The following FABP4 variants were observed in gnomAD, a reference collection of about 807,000 sequenced individuals.
FABP4 encodes the protein fatty acid binding protein 4.
Under a neutral mutation model 14.6 loss-of-function variants are expected in FABP4, and 17 were observed. The ratio of observed to expected loss-of-function variants is 1.16; its 90% CI spans 0.80 to 1.74. FABP4 has a LOEUF of 1.74. FABP4 is among the 40% of genes most tolerant of loss of function. The probability of loss-of-function intolerance (pLI) is 0.00; values close to 1 mark genes in which losing one functional copy is unlikely to be tolerated. For synonymous variants in FABP4, 54 were observed against 54.6 expected (o/e 0.99, Z 0.05); for missense variants, 149 against 160.3 (o/e 0.93, Z 0.38).
chr8:81,483,121 T>C lies in FABP4; in HGVS notation c.47A>G (p.Asn16Ser). 2 of 1,609,466 alleles carry C rather than the reference T, an allele frequency of 1.2e-6. No individual in the cohort carries two copies. Among genetic ancestry groups the C allele is most frequent in the Admixed American group, 1.7e-5 (1 of 59,486 alleles). The change falls in exon 1 of 4, where the codon AAC (asparagine) becomes AGC (serine). Residue 16 changes from asparagine (N) to serine (S), a missense_variant. Transcript: ENST00000256104. Reference protein sequence around the residue: ...VGTWKLVSSENFDDYMKEVGV... With the variant: ...VGTWKLVSSESFDDYMKEVGV... ...TACTTCTTTCATATAATCATCAAAG[T>C]TTTCACTGGAGACAAGTTTCCAGGT...
chr8:81,483,190 T>G lies in FABP4; in HGVS notation c.-23A>C, dbSNP rs1319269183. ...CATTTTGTGAGTTTTCTAGGATTATTCTTCAAGGTGAGAAGGAAGCTGCAG... is the reference window on the plus strand; with the variant it reads ...CATTTTGTGAGTTTTCTAGGATTATGCTTCAAGGTGAGAAGGAAGCTGCAG... On this transcript the variant is annotated 5_prime_UTR_variant, in exon 1 of 4. Transcript: ENST00000256104. 1 of 1,597,550 alleles carries G rather than the reference T, an allele frequency of 6.3e-7. No individual in the cohort carries two copies. Among genetic ancestry groups the G allele is most frequent in the African/African-American group, 1.3e-5 (1 of 74,572 alleles).
Position 81,478,869 on chromosome 8 carries a change from GCT to G in FABP4, c.393_394del (p.Arg131SerfsTer35), listed in dbSNP as rs1563527456. The G allele has an allele frequency of 1.2e-6, 2 of 1,612,794 alleles. No homozygotes were observed. Among genetic ancestry groups the G allele is most frequent in the Admixed American group, 3.3e-5 (2 of 59,952 alleles). Reference sequence around the variant, plus strand: ...TCCAGGTCAACGTCCCTTGGCTTATGCTCTCTCATAAACTCTCGTGGAAGTGA... The same window carrying G: ...TCCAGGTCAACGTCCCTTGGCTTATGCTCTCATAAACTCTCGTGGAAGTGA... On this transcript the variant is annotated frameshift_variant, in exon 4 of 4. Coordinates refer to ENST00000256104, the MANE Select transcript of FABP4 (RefSeq NM_001442.3). LOFTEE classifies it high-confidence loss of function.
rs1410369125 is a variant in FABP4 at position 81,480,503 on chromosome 8, T to C, written c.169A>G (p.Thr57Ala). The C allele has an allele frequency of 8.1e-6, 13 of 1,613,692 alleles. No homozygotes were observed. Among genetic ancestry groups the C allele is most frequent in the Non-Finnish European group, 1.1e-5 (13 of 1,179,832 alleles). ...AAGGAAATCTCAGTATTTTTAAAGG[T>C]ACTTTCAGATTTAATGGTGATCACA... ...GDVITIKSES[T>A]FKNTEISFIL... Residue 57 changes from threonine to alanine, a missense_variant, in exon 2 of 4, where the codon ACC (threonine) becomes GCC (alanine). Physicochemically the swap from Thr to Ala is moderately conservative, Grantham distance 58. Coordinates refer to ENST00000256104, the MANE Select transcript of FABP4 (RefSeq NM_001442.3).
Position 81,483,227 on chromosome 8 carries a change from G to A in FABP4, c.-60C>T, listed in dbSNP as rs1340259080. 7 of 1,357,514 alleles carry A rather than the reference G, an allele frequency of 5.2e-6. No homozygotes were observed. The highest frequency in any genetic ancestry group is 6.2e-6 in the Non-Finnish European group (6 of 969,338). The allele number at this position is 1,357,514 out of a possible 1,614,324, so 84.1% of individuals were successfully genotyped here. ...GAAGGAAGCTGCAGTTTTCAGGAGG[G>A]TGCTGTGACCCTCTTGAGTCCAGAT... On this transcript the variant is annotated 5_prime_UTR_variant, in exon 1 of 4. Coordinates refer to ENST00000256104, the MANE Select transcript of FABP4 (RefSeq NM_001442.3).
chr8:81,480,528 A>T lies in FABP4; in HGVS notation c.144T>A (p.Asp48Glu). 1 of 1,613,884 alleles carries T rather than the reference A, an allele frequency of 6.2e-7. No individual in the cohort carries two copies. Residue 48 changes from aspartate to glutamate, a missense_variant, in exon 2 of 4, where the codon GAT (aspartate) becomes GAA (glutamate). By Grantham distance (45) the Asp-to-Glu change is conservative. Transcript: ENST00000256104. ...TACTTTCAGATTTAATGGTGATCAC[A>T]TCCCCATTCACACTGATGATCATGT... ...KPNMIISVNG[D>E]VITIKSESTF...
chr8:81,479,796 T>C (rs1228253446), intron 2 of FABP4: 1 of 239,936 alleles, frequency 4.2e-6, no homozygotes, highest in Non-Finnish European at 7.9e-6. Flanking sequence ...GGGTGGTTTT[T>C]CTATTTCTTT....
At chr8:81,481,832 ATT>A (rs1246484296) in intron 1 of FABP4, among the ~76,000 whole-genome samples, 2 of 152,114 alleles carry the variant, frequency 1.3e-5, no homozygotes, top group Non-Finnish European at 2.9e-5. Context: ...CATTTGCTTG[ATT>A]TTGCTTTTAT....
chr8:81,482,940 T>A (rs1331332671), intron 1 of FABP4, among the ~76,000 whole-genome samples, 155 bp downstream of exon 1: 1 of 152,182 alleles, frequency 6.6e-6, no homozygotes, highest in Non-Finnish European at 1.5e-5. Flanking sequence ...TAGAAACAAA[T>A]GATTATCACT....
Position 81,478,605 on chromosome 8 carries a change from G to C in FABP4, c.*260C>G, listed in dbSNP as rs1808006599. ...ATGTTATTATTCATATCAGAACAAA[G>C]AAATAATGCAAATTTCCCATTTCCT... On this transcript the variant is annotated 3_prime_UTR_variant, in exon 4 of 4. Transcript: ENST00000256104. 1 of 364,248 alleles carries C rather than the reference G, an allele frequency of 2.7e-6. No individual in the cohort carries two copies. The highest frequency in any genetic ancestry group is 4.2e-5 in the Admixed American group (1 of 23,982). 22.6% of individuals were successfully genotyped at this position (364,248 alleles called of 1,614,324 possible). A position where few individuals can be genotyped will look rare whatever the true frequency, so the allele number is the denominator to read the frequency against.
In FABP4 at chr8:81,478,745, T is replaced by A; in HGVS notation, c.*120A>T. The A allele has an allele frequency of 2.3e-6, 2 of 888,302 alleles. No individual in the cohort carries two copies. The highest frequency in any genetic ancestry group is 3.4e-6 in the Non-Finnish European group (2 of 580,766). The allele number at this position is 888,302 out of a possible 1,614,324, so 55.0% of individuals were successfully genotyped here. A position where few individuals can be genotyped will look rare whatever the true frequency, so the allele number is the denominator to read the frequency against. Reference sequence around the variant, plus strand: ...CGTAACCATATTGAATAAAATCAGCTTGGGAGAAAATTAGTTGCTTGCTAA... The same window carrying A: ...CGTAACCATATTGAATAAAATCAGCATGGGAGAAAATTAGTTGCTTGCTAA... On this transcript the variant is annotated 3_prime_UTR_variant, in exon 4 of 4. Transcript: ENST00000256104.
rs1585811019 is a variant in FABP4 at position 81,479,458 on chromosome 8, A to C, written c.304T>G (p.Ser102Ala). ...TCTCGTTTTCTCTTTATGGTGGTTGATTTTCCATCCCATTTCTGCACATGT... is the reference window on the plus strand; with the variant it reads ...TCTCGTTTTCTCTTTATGGTGGTTGCTTTTCCATCCCATTTCTGCACATGT... ...LVHVQKWDGK[S>A]TTIKRKREDD... The change falls in exon 3 of 4, where the codon TCA (serine) becomes GCA (alanine). Residue 102 changes from serine to alanine, a missense_variant. Coordinates refer to ENST00000256104, the MANE Select transcript of FABP4 (RefSeq NM_001442.3). 1 of 1,613,248 alleles carries C rather than the reference A, an allele frequency of 6.2e-7. No individual in the cohort carries two copies. Among genetic ancestry groups the C allele is most frequent in the African/African-American group, 1.3e-5 (1 of 74,860 alleles).
Position 81,483,100 on chromosome 8 carries a change from T to G in FABP4, c.68A>C (p.Glu23Ala). The part of the protein sequence containing the change: ...SSENFDDYMK[E>A]VGVGFATRKV... ...TCCACAACGCATTTCCTTACCTACT[T>G]CTTTCATATAATCATCAAAGTTTTC... is the stretch of plus-strand genomic sequence containing the variant. The change falls in exon 1 of 4, where the codon GAA (glutamate) becomes GCA (alanine). Residue 23 changes from glutamate to alanine, a missense_variant. Physicochemically the swap from Glu to Ala is moderately radical, Grantham distance 107. Coordinates refer to ENST00000256104, the MANE Select transcript of FABP4 (RefSeq NM_001442.3). 3 of 1,607,994 alleles carry G rather than the reference T, an allele frequency of 1.9e-6. No individual in the cohort carries two copies. The highest frequency in any genetic ancestry group is 2.5e-6 in the Non-Finnish European group (3 of 1,176,534).
rs113173505 is a variant in FABP4, at chr8:81,478,628, C to T, written c.*237G>A. On this transcript the variant is annotated 3_prime_UTR_variant, in exon 4 of 4. Coordinates refer to ENST00000256104, the MANE Select transcript of FABP4 (RefSeq NM_001442.3). ...AAGAAATAATGCAAATTTCCCATTT[C>T]CTTCACTCAGTTATGACTAAGAATA... 6 of 388,200 alleles carry T rather than the reference C, an allele frequency of 1.5e-5. No individual in the cohort carries two copies. Among genetic ancestry groups the T allele is most frequent in the South Asian group, 7.9e-5 (1 of 12,682 alleles). 24.0% of individuals were successfully genotyped at this position (388,200 alleles called of 1,614,324 possible). A position where few individuals can be genotyped will look rare whatever the true frequency, so the allele number is the denominator to read the frequency against.
chr8:81,478,722 T>A lies in FABP4; in HGVS notation c.*143A>T. The stretch of plus-strand genomic sequence containing the variant: ...CTAAAAAAAGTTTATTTAACCAACG[T>A]AACCATATTGAATAAAATCAGCTTG... On this transcript the variant is annotated 3_prime_UTR_variant, in exon 4 of 4. Coordinates refer to ENST00000256104, the MANE Select transcript of FABP4 (RefSeq NM_001442.3). 1 of 685,430 alleles carries A rather than the reference T, an allele frequency of 1.5e-6. No individual in the cohort carries two copies. Among genetic ancestry groups the A allele is most frequent in the Non-Finnish European group, 2.4e-6 (1 of 409,778 alleles). The allele number at this position is 685,430 out of a possible 1,614,324, so 42.5% of individuals were successfully genotyped here. A position where few individuals can be genotyped will look rare whatever the true frequency, so the allele number is the denominator to read the frequency against.
Position 81,480,618 on chromosome 8 carries a change from A to C in FABP4, c.74-20T>G, listed in dbSNP as rs1232884363. 3.1e-6 allele frequency: 5 copies of C among 1,595,054 alleles called. No individual in the cohort carries two copies. Among genetic ancestry groups the C allele is most frequent in the Non-Finnish European group, 4.3e-6 (5 of 1,170,486 alleles). ...CCACTCCTACAGTTAGGAAAAGAAA[A>C]GATGTCAGATTTACATTTTCTCTCA... On this transcript the variant is annotated intron_variant, in intron 1 of 3. Transcript: ENST00000256104.
chr8:81,482,833 TATC>T (rs1808100437), intron 1 of FABP4, among the ~76,000 whole-genome samples: 1 of 152,202 alleles, frequency 6.6e-6, no homozygotes, highest in East Asian at 1.9e-4. Flanking sequence ...AGTCAAATCT[TATC>T]ATTTCTAAAG....
chr8:81,480,657 G>C lies in FABP4; in HGVS notation c.74-59C>G, dbSNP rs1029171180. On this transcript the variant is annotated intron_variant, in intron 1 of 3. Coordinates refer to ENST00000256104, the MANE Select transcript of FABP4 (RefSeq NM_001442.3). The stretch of plus-strand genomic sequence containing the variant: ...CATTTTCTCTCACGTACTTATCCAA[G>C]TCAGAGAATGTGTGTGTGCACACAG... 3.3e-6 allele frequency: 5 copies of C among 1,496,384 alleles called. No homozygotes were observed. The Admixed American group carries it at 7.8e-5, about 23-fold the overall frequency. 92.7% of individuals were successfully genotyped at this position (1,496,384 alleles called of 1,614,324 possible).
At chr8:81,481,992 C>A (rs1317781044) in intron 1 of FABP4, among the ~76,000 whole-genome samples, 2 of 152,066 alleles carry the variant, frequency 1.3e-5, no homozygotes, top group Admixed American at 6.6e-5. Context: ...AAAAGTATAA[C>A]ATTTTTCTAA....
At position 81,479,433 on chromosome 8, in the gene FABP4, T is replaced by A; in HGVS notation, c.329A>T (p.Glu110Val). 1.2e-6 allele frequency: 2 copies of A among 1,613,236 alleles called. No individual in the cohort carries two copies. Among genetic ancestry groups the A allele is most frequent in the East Asian group, 4.5e-5 (2 of 44,860 alleles). Residue 110 changes from glutamate to valine, a missense_variant, in exon 3 of 4, where the codon GAG becomes GTG. By Grantham distance (121) the Glu-to-Val change is moderately radical. Transcript: ENST00000256104. Reference protein sequence around the residue: ...GKSTTIKRKREDDKLVVECVM... With the variant: ...GKSTTIKRKRVDDKLVVECVM... ...ACTCACCACCACCAGTTTATCATCC[T>A]CTCGTTTTCTCTTTATGGTGGTTGA...
Sources: gnomAD v4.1 joint callset for allele counts (sites outside exome capture counted in the v4.1 genomes callset) on GRCh38, gnomAD v4.1.1 for gene constraint, MANE v1.5 for transcripts, NCBI Gene and HGNC (gene_info 2026-07-23, HGNC 2026-07-21) for gene names.